MAGI2: variants seen among roughly 807,000 people sequenced by gnomAD.
MAGI2 encodes the protein membrane associated guanylate kinase, WW and PDZ domain containing 2.
In MAGI2, 35 loss-of-function variants were observed where a neutral mutation model predicts 133.3. The ratio of observed to expected loss-of-function variants is 0.26; its 90% confidence interval spans 0.20 to 0.35. MAGI2 has a LOEUF of 0.35. Ranked by LOEUF, MAGI2 falls within the 10% of genes least tolerant of loss-of-function variation. MAGI2 has a pLI of 1.00. For missense variants in MAGI2, 1,636 were observed against 1,863.4 expected (o/e 0.88, Z 2.25); for synonymous variants, 729 against 710.6 (o/e 1.03, Z -0.41).
intron 2 of MAGI2, among the ~76,000 whole-genome samples, chr7:78,938,612 T>A (rs1800718733): frequency 6.6e-6 from 1 of 152,114 alleles, no homozygotes; most frequent in Non-Finnish European, 1.5e-5. Flanking sequence ...CTATTAGTAC[T>A]AACTAAAACT....
chr7:78,289,951 G>A (rs891272573), intron 9 of MAGI2, among the ~76,000 whole-genome samples: 3 of 152,098 alleles, frequency 2.0e-5, no homozygotes, highest in Non-Finnish European at 4.4e-5. Flanking sequence ...CCTGAAGGAA[G>A]CACTAAACAA....
At chr7:79,122,177 G>T (rs1819961538) in intron 1 of MAGI2, among the ~76,000 whole-genome samples, 1 of 152,070 alleles carries the variant, frequency 6.6e-6, no homozygotes, top group African/African-American at 2.4e-5. Context: ...ATACCCCTCT[G>T]CTTTACTATC....
chr7:78,977,732 A>C (rs1353676210), intron 2 of MAGI2, among the ~76,000 whole-genome samples: 1 of 151,778 alleles, frequency 6.6e-6, no homozygotes, highest in Non-Finnish European at 1.5e-5. Flanking sequence ...GACACTGCTG[A>C]GGATATAAAA....
rs141843677 is a variant in MAGI2, at chr7:78,176,378, C to T, written c.2403+1633G>A. Among the ~76,000 whole-genome samples the T allele has an allele frequency of 5.9e-5, 9 of 152,186 alleles. No individual in the cohort carries two copies. In the South Asian group the frequency reaches 1.2e-3, roughly 21 times the overall value. On this transcript the variant is annotated intron_variant, in intron 14 of 21. Transcript: ENST00000354212. ...TTGCCAAATTTCATCCCCAGGAATT[C>T]GGAAATAAGTCTTTTTTTCCTGGAG...
chr7:78,389,434 T>C (rs1475392380), intron 6 of MAGI2, among the ~76,000 whole-genome samples: 1 of 152,208 alleles, frequency 6.6e-6, no homozygotes, highest in Non-Finnish European at 1.5e-5. Flanking sequence ...ATAGGGAGCA[T>C]ATCTTACTCA....
At chr7:78,686,784 G>T (rs1275412975) in intron 2 of MAGI2, among the ~76,000 whole-genome samples, 2 of 152,250 alleles carry the variant, frequency 1.3e-5, no homozygotes, top group African/African-American at 4.8e-5. Context: ...GTTTTATTCT[G>T]TGTAAGTCTA....
At chr7:79,316,611 G>A (rs893352331) in intron 1 of MAGI2, among the ~76,000 whole-genome samples, 1 of 151,942 alleles carries the variant, frequency 6.6e-6, no homozygotes, top group Non-Finnish European at 1.5e-5. Context: ...TTTCTTATTC[G>A]GAAGGTCAAT....
At chr7:79,071,333 G>T (rs1016010547) in intron 1 of MAGI2, among the ~76,000 whole-genome samples, 5 of 152,010 alleles carry the variant, frequency 3.3e-5, no homozygotes, top group Non-Finnish European at 5.9e-5. Context: ...TCGTCCTAGA[G>T]GGGCACCCCC....
At chr7:78,616,008 T>G (rs987237236) in intron 3 of MAGI2, 3 of 152,152 alleles carry the variant, frequency 2.0e-5, no homozygotes, top group African/African-American at 7.2e-5. Context: ...ATATTTTCAG[T>G]TTTTCCATTA....
At chr7:78,755,155 G>T (rs1026606631) in intron 2 of MAGI2, among the ~76,000 whole-genome samples, 1 of 152,064 alleles carries the variant, frequency 6.6e-6, no homozygotes, top group African/African-American at 2.4e-5. Flanking sequence ...TTTCTGAAAG[G>T]GTAAGAATTT....
chr7:79,127,983 G>A (rs1017467146), intron 1 of MAGI2, among the ~76,000 whole-genome samples: 3 of 152,128 alleles, frequency 2.0e-5, no homozygotes, highest in African/African-American at 7.2e-5. Context: ...TGTATAAGGT[G>A]TAAGGAAGGG....
At chr7:78,347,774 A>G (rs1016676638) in intron 7 of MAGI2, among the ~76,000 whole-genome samples, 1 of 152,190 alleles carries the variant, frequency 6.6e-6, no homozygotes, top group African/African-American at 2.4e-5. Flanking sequence ...CTCATTTGTA[A>G]GAGGTTCAAA....
chr7:79,295,960 T>C (rs893035684), intron 1 of MAGI2, among the ~76,000 whole-genome samples: 4 of 152,228 alleles, frequency 2.6e-5, no homozygotes, highest in Non-Finnish European at 5.9e-5. Flanking sequence ...AGATTTGTCA[T>C]ATGCTGTTCT....
At chr7:78,926,570 A>G (rs778412265) in intron 2 of MAGI2, among the ~76,000 whole-genome samples, 1 of 151,988 alleles carries the variant, frequency 6.6e-6, no homozygotes, top group Non-Finnish European at 1.5e-5. Flanking sequence ...GCCCTTCCCA[A>G]GATTCCTCCT....
At chr7:78,780,177 T>C (rs891202638) in intron 2 of MAGI2, among the ~76,000 whole-genome samples, 1 of 152,234 alleles carries the variant, frequency 6.6e-6, no homozygotes, top group African/African-American at 2.4e-5. Flanking sequence ...AGCAAACACA[T>C]TGATTTGTAT....
rs1829371577 is a variant in MAGI2 at position 79,209,995 on chromosome 7, G to C, written c.302-202789C>G. On this transcript the variant is annotated intron_variant, in intron 1 of 21. Coordinates refer to ENST00000354212, the MANE Select transcript of MAGI2 (RefSeq NM_012301.4). Reference sequence around the variant, plus strand: ...TCTTGTAAGTTTTGTGGGCACTATTGATAAACAAAATGAAAGATAAAGACA... The same window carrying C: ...TCTTGTAAGTTTTGTGGGCACTATTCATAAACAAAATGAAAGATAAAGACA... 2.0e-5 allele frequency among the ~76,000 whole-genome samples: 3 copies of C among 151,798 alleles called. 1 individual carries two copies. Among genetic ancestry groups the C allele is most frequent in the Admixed American group, 2.0e-4 (3 of 15,224 alleles).
intron 9 of MAGI2, among the ~76,000 whole-genome samples, chr7:78,276,769 C>T (rs1305012563): frequency 6.6e-6 from 1 of 151,856 alleles, no homozygotes; most frequent in Non-Finnish European, 1.5e-5. Context: ...AAATGTTAAC[C>T]TGGTTATCTA....
At chr7:78,275,055 G>T (rs1794931329) in intron 9 of MAGI2, among the ~76,000 whole-genome samples, 1 of 152,146 alleles carries the variant, frequency 6.6e-6, no homozygotes, top group African/African-American at 2.4e-5. Context: ...TTTTGTGCTT[G>T]AAACCCAGGG....
intron 1 of MAGI2, among the ~76,000 whole-genome samples, chr7:79,094,378 C>G (rs1432155119): frequency 6.6e-6 from 1 of 152,284 alleles, no homozygotes. Flanking sequence ...TATTTCTACC[C>G]CATTTGCAGT....
Sources: allele counts gnomAD v4.1 joint callset (sites outside exome capture counted in the v4.1 genomes callset), GRCh38; gene constraint gnomAD v4.1.1; transcripts MANE v1.5; gene names NCBI Gene and HGNC (gene_info 2026-07-23, HGNC 2026-07-21).